Variants in VAC14 observed in about 807,000 individuals in gnomAD.
VAC14 encodes the protein protein VAC14 homolog.
Under a neutral mutation model 85.3 loss-of-function variants are expected in VAC14, and 47 were observed. That is an observed-to-expected ratio of 0.55 (90% confidence interval 0.44 to 0.70). The LOEUF (loss-of-function observed/expected upper bound fraction) is 0.70. Ranked by LOEUF, VAC14 falls within the 30% of genes least tolerant of loss-of-function variation. The probability of loss-of-function intolerance (pLI) is 0.00; values close to 1 mark genes in which losing one functional copy is unlikely to be tolerated. For synonymous variants in VAC14, 447 were observed against 430.5 expected, an observed-to-expected ratio of 1.04 and a Z score of -0.47; for missense variants, 861 against 1,004.3, an observed-to-expected ratio of 0.86 and a Z score of 1.93.
At chr16:70,716,590 C>T (rs931135261) in intron 14 of VAC14, 12 of 152,366 alleles carry the variant, frequency 7.9e-5, no homozygotes, top group African/African-American at 2.9e-4. Context: ...CCCATAAGGT[C>T]CCTCCTGGCT....
chr16:70,764,798 G>T (rs1388741286), intron 10 of VAC14, among the ~76,000 whole-genome samples: 1 of 152,192 alleles, frequency 6.6e-6, no homozygotes, highest in Non-Finnish European at 1.5e-5. Context: ...GCACTCAGTA[G>T]CCACGTGGCT....
intron 13 of VAC14, among the ~76,000 whole-genome samples, chr16:70,733,362 T>G (rs990888131): frequency 4.6e-5 from 7 of 152,216 alleles, no homozygotes; most frequent in African/African-American, 1.7e-4. Flanking sequence ...AATACGGCTA[T>G]TCTATATTTT....
intron 1 of VAC14, among the ~76,000 whole-genome samples, chr16:70,795,262 C>G (rs558431674): frequency 6.6e-6 from 1 of 151,934 alleles, no homozygotes; most frequent in Non-Finnish European, 1.5e-5. Flanking sequence ...GTCAGGAGAT[C>G]GGGACCATCC....
chr16:70,799,802 T>C (rs1401729793), intron 1 of VAC14, among the ~76,000 whole-genome samples: 3 of 152,216 alleles, frequency 2.0e-5, no homozygotes, highest in African/African-American at 7.2e-5. Context: ...TAGAGCATTC[T>C]GCAATGATGG....
rs778252785 is a variant in VAC14, at chr16:70,780,957, A to C, written c.947-18T>G. On this transcript the variant is annotated intron_variant, in intron 8 of 18. Transcript: ENST00000261776. Reference sequence around the variant, plus strand: ...TTTGATGCCTGAGTCCACTGATGTAAGGAGCGTGATCTGATTTGGATGCCT... The same window carrying C: ...TTTGATGCCTGAGTCCACTGATGTACGGAGCGTGATCTGATTTGGATGCCT... The C allele has an allele frequency of 8.7e-6, 14 of 1,613,744 alleles. 1 individual carries two copies. The East Asian group carries it at 3.1e-4, about 36-fold the overall frequency.
At chr16:70,740,118 G>T (rs1353264569) in intron 13 of VAC14, among the ~76,000 whole-genome samples, 2 of 151,950 alleles carry the variant, frequency 1.3e-5, no homozygotes, top group Non-Finnish European at 2.9e-5. Flanking sequence ...GCACCACTAC[G>T]CCCAGCTAAA....
chr16:70,789,636 G>C (rs1335442661), intron 1 of VAC14, among the ~76,000 whole-genome samples: 1 of 152,218 alleles, frequency 6.6e-6, no homozygotes, highest in African/African-American at 2.4e-5. Context: ...ACTGCCTAAA[G>C]AATTTATAAA....
intron 14 of VAC14, among the ~76,000 whole-genome samples, chr16:70,728,024 C>T (rs545043056): frequency 6.6e-6 from 1 of 152,324 alleles, no homozygotes; most frequent in South Asian, 2.1e-4. Context: ...AGACCCAGTC[C>T]TCTGTGAAAG....
At chr16:70,705,148 T>TTAA (rs2053897525) in intron 14 of VAC14, among the ~76,000 whole-genome samples, 1 of 152,068 alleles carries the variant, frequency 6.6e-6, no homozygotes, top group Non-Finnish European at 1.5e-5. Context: ...GCCCAGTGAC[T>TTAA]GTTAGGACGC....
intron 4 of VAC14, among the ~76,000 whole-genome samples, chr16:70,784,424 A>G (rs1455353179): frequency 1.3e-5 from 2 of 152,190 alleles, no homozygotes; most frequent in Non-Finnish European, 2.9e-5. Flanking sequence ...GAAAGCAGGA[A>G]GCAAAGTCGA....
At chr16:70,718,292 G>A (rs2054210346) in intron 14 of VAC14, among the ~76,000 whole-genome samples, 1 of 152,006 alleles carries the variant, frequency 6.6e-6, no homozygotes, top group Non-Finnish European at 1.5e-5. Flanking sequence ...TGTGCTTGGG[G>A]CTGGGTGCGG....
At chr16:70,703,257 C>T (rs1046975729) in intron 14 of VAC14, among the ~76,000 whole-genome samples, 2 of 152,260 alleles carry the variant, frequency 1.3e-5, no homozygotes, top group Non-Finnish European at 2.9e-5. Context: ...TATTTTCCAA[C>T]ACCCGCATGA....
At chr16:70,724,028 G>A (rs2054360164) in intron 14 of VAC14, among the ~76,000 whole-genome samples, 1 of 151,962 alleles carries the variant, frequency 6.6e-6, no homozygotes. Flanking sequence ...GTGACCTCTA[G>A]TCTCCTCCCA....
At chr16:70,730,709 TGTCTCA>T (rs1195371954) in intron 14 of VAC14, among the ~76,000 whole-genome samples, 8 of 151,430 alleles carry the variant, frequency 5.3e-5, no homozygotes, top group Non-Finnish European at 8.8e-5. Context: ...GCGATTTGTG[TGTCTCA>T]GCCTCTTGAG....
At chr16:70,739,175 T>C (rs899960496) in intron 13 of VAC14, among the ~76,000 whole-genome samples, 3 of 152,164 alleles carry the variant, frequency 2.0e-5, no homozygotes, top group Admixed American at 2.0e-4. Flanking sequence ...AGGGAAGAAG[T>C]AGCAGTGAGG....
chr16:70,716,430 A>G (rs2054168190), intron 14 of VAC14: 1 of 152,244 alleles, frequency 6.6e-6, no homozygotes, highest in Non-Finnish European at 1.5e-5. Flanking sequence ...AGATGTTCCC[A>G]TCTCCCTGAA....
chr16:70,731,343 G>A (rs2054583869), intron 14 of VAC14, 152 bp downstream of exon 14: 1 of 1,486,328 alleles, frequency 6.7e-7, no homozygotes. Flanking sequence ...AGTATGAAGG[G>A]GCAACCTTCT....
chr16:70,766,997 G>T (rs1408371217), intron 10 of VAC14, among the ~76,000 whole-genome samples: 3 of 152,148 alleles, frequency 2.0e-5, no homozygotes, highest in Admixed American at 6.5e-5. Context: ...AAGAACAGAG[G>T]GAGCTCACTC....
intron 9 of VAC14, among the ~76,000 whole-genome samples, chr16:70,774,523 A>G (rs2033414604): frequency 1.3e-5 from 2 of 152,186 alleles, no homozygotes; most frequent in Admixed American, 6.5e-5. Context: ...TAATTAATAA[A>G]TAACTTGGGG....
Sources: allele counts gnomAD v4.1 joint callset (sites outside exome capture counted in the v4.1 genomes callset), GRCh38; gene constraint gnomAD v4.1.1; transcripts MANE v1.5; gene names NCBI Gene and HGNC (gene_info 2026-07-23, HGNC 2026-07-21).